The following FGF5 variants were observed in gnomAD, a reference collection of about 807,000 sequenced individuals.
The protein encoded by FGF5 is heparin-binding growth factor 5.
In FGF5, 23 loss-of-function variants were observed where a neutral mutation model predicts 21.8. The ratio of observed to expected loss-of-function variants is 1.05; its 90% CI spans 0.76 to 1.49. FGF5 has a LOEUF of 1.49. FGF5 is among the 40% of genes most tolerant of loss of function. The pLI is 0.00. For missense variants in FGF5, 352 were observed against 332.9 expected, an observed-to-expected ratio of 1.06 and a Z score of -0.45; for synonymous variants, 158 against 124.0, an observed-to-expected ratio of 1.27 and a Z score of -1.82.
chr4:80,268,350 C>G (rs3796603), intron 1 of FGF5: 22,927 of 403,614 alleles, frequency 0.057, 1,213 homozygotes, highest in East Asian at 0.33. Flanking sequence ...CCAGGGAGAC[C>G]GGAAATGTAG....
At position 80,286,722 on chromosome 4, in the gene FGF5, A is replaced by G. The variant is rs1251200217; in HGVS notation, c.*50A>G. The stretch of plus-strand genomic sequence containing the variant: ...CCATTCTTTCCCCTCAGGAGTTTCT[A>G]TAGGTGTCTTCAGAGTTCTGAAGAA... On this transcript the variant is annotated 3_prime_UTR_variant, in exon 3 of 3. Transcript: ENST00000312465. The G allele has an allele frequency of 1.1e-5, 16 of 1,457,042 alleles. No homozygotes were observed. Among genetic ancestry groups the G allele is most frequent in the Non-Finnish European group, 1.5e-5 (16 of 1,053,422 alleles). The allele number at this position is 1,457,042 out of a possible 1,614,324, so 90.3% of individuals were successfully genotyped here.
At chr4:80,279,686 A>G (rs1720503653) in intron 2 of FGF5, among the ~76,000 whole-genome samples, 1 of 152,216 alleles carries the variant, frequency 6.6e-6, no homozygotes, top group African/African-American at 2.4e-5. Context: ...CCCTAAATAT[A>G]TAAATCTTGG....
chr4:80,276,339 T>C (rs1352411412), intron 2 of FGF5, among the ~76,000 whole-genome samples: 1 of 152,108 alleles, frequency 6.6e-6, no homozygotes, highest in Admixed American at 6.6e-5. Flanking sequence ...TTGCAAGAAC[T>C]ATTAAACAAT....
Position 80,268,680 on chromosome 4 carries a change from G to A in FGF5, c.355+1501G>A, listed in dbSNP as rs34598175. On this transcript the variant is annotated intron_variant, in intron 1 of 2. Coordinates refer to ENST00000312465, the MANE Select transcript of FGF5 (RefSeq NM_004464.4). Reference sequence around the variant, plus strand: ...GGTCTATGCCCGCCCCTCTGCGCCTGTCTAGTCTATCTGATCGCGCTGATT... The same window carrying A: ...GGTCTATGCCCGCCCCTCTGCGCCTATCTAGTCTATCTGATCGCGCTGATT... 6.3e-3 allele frequency: 1,747 copies of A among 276,610 alleles called. 24 individuals are homozygous for A. The highest frequency in any genetic ancestry group is 0.037 in the African/African-American group (1,618 of 44,006). 17.1% of individuals were successfully genotyped at this position (276,610 alleles called of 1,614,324 possible).
chr4:80,283,890 CTA>C (rs1195287733), intron 2 of FGF5, among the ~76,000 whole-genome samples: 10 of 152,026 alleles, frequency 6.6e-5, no homozygotes, highest in Non-Finnish European at 4.4e-5. Flanking sequence ...TTCTAGATGT[CTA>C]TAGCTTTTAT....
chr4:80,290,519 C>T lies in FGF5; in HGVS notation c.*3847C>T, dbSNP rs1039414449. On this transcript the variant is annotated 3_prime_UTR_variant, in exon 3 of 3. Transcript: ENST00000312465. ...AGTGGAGTCAGGTGAGGCATCTTTA[C>T]ATCTAAGAATTTTTTTTTAAATTTT... 2.6e-4 allele frequency: 40 copies of T among 152,130 alleles called. No individual in the cohort carries two copies. Among genetic ancestry groups the T allele is most frequent in the African/African-American group, 8.4e-4 (35 of 41,538 alleles). The allele number at this position is 152,130 out of a possible 1,614,324, so 9.4% of individuals were successfully genotyped here. A position where few individuals can be genotyped will look rare whatever the true frequency, so the allele number is the denominator to read the frequency against.
At chr4:80,286,304 C>G in intron 2 of FGF5, 21 bp from the exon 3 acceptor site, 1 of 1,508,826 alleles carries the variant, frequency 6.6e-7, no homozygotes, top group Non-Finnish European at 8.9e-7. Flanking sequence ...CTTAAATTTC[C>G]TCTTTTTTTC....
rs1046136748 is a variant in FGF5, at chr4:80,290,050, C to T, written c.*3378C>T. On this transcript the variant is annotated 3_prime_UTR_variant, in exon 3 of 3. Transcript: ENST00000312465. ...ATAGAAGGGAGGGAATAAATCATGA[C>T]TTATCCCATTTTCAATAACAAAACG... 2.6e-5 allele frequency: 4 copies of T among 152,018 alleles called. No individual in the cohort carries two copies. Among genetic ancestry groups the T allele is most frequent in the South Asian group, 2.1e-4 (1 of 4,824 alleles). The allele number at this position is 152,018 out of a possible 1,614,324, so 9.4% of individuals were successfully genotyped here. A position where few individuals can be genotyped will look rare whatever the true frequency, so the allele number is the denominator to read the frequency against.
chr4:80,271,254 C>T (rs1720263723), intron 1 of FGF5, among the ~76,000 whole-genome samples: 2 of 151,898 alleles, frequency 1.3e-5, no homozygotes, highest in African/African-American at 4.8e-5. Context: ...AGGACTAAGT[C>T]AAAAATCTAG....
At chr4:80,268,864 A>G (rs1193297981) in intron 1 of FGF5, among the ~76,000 whole-genome samples, 1 of 152,232 alleles carries the variant, frequency 6.6e-6, no homozygotes, top group Non-Finnish European at 1.5e-5. Context: ...ATAACTGCTC[A>G]TTTGGGGGAT....
At chr4:80,267,274 C>A in intron 1 of FGF5, 95 bp downstream of exon 1, 1 of 1,033,684 alleles carries the variant, frequency 9.7e-7, no homozygotes, top group Non-Finnish European at 1.4e-6. Flanking sequence ...GCTCACCTTC[C>A]TGAGCCCAGG....
At chr4:80,276,836 C>T (rs896144682) in intron 2 of FGF5, among the ~76,000 whole-genome samples, 3 of 151,404 alleles carry the variant, frequency 2.0e-5, no homozygotes, top group African/African-American at 7.3e-5. Flanking sequence ...ATAACTTTTC[C>T]TCAGTCTACT....
chr4:80,280,213 G>A (rs1047473514), intron 2 of FGF5, among the ~76,000 whole-genome samples: 84 of 152,200 alleles, frequency 5.5e-4, no homozygotes, highest in African/African-American at 1.8e-3. Flanking sequence ...ACAGTAAAAT[G>A]GAATGTCTAG....
rs376474142 is a variant in FGF5 at position 80,286,450 on chromosome 4, A to G, written c.585A>G (p.Arg195=). 4.5e-5 allele frequency: 72 copies of G among 1,613,978 alleles called. No homozygotes were observed. The African/African-American group carries it at 8.8e-4, about 20-fold the overall frequency. Residue 195 remains arginine (R), a synonymous_variant, in exon 3 of 3, where the codon AGA becomes AGG. Coordinates refer to ENST00000312465, the MANE Select transcript of FGF5 (RefSeq NM_004464.4). ...GREWYVALNK[R]GKAKRGCSPR... The stretch of plus-strand genomic sequence containing the variant: ...AGTGGTATGTGGCCCTGAATAAAAG[A>G]GGAAAAGCCAAACGAGGGTGCAGCC...
rs569830882 is a variant in FGF5, at chr4:80,272,132, C to T, written c.356-2777C>T. Among the ~76,000 whole-genome samples, 15 of 152,244 alleles carry T rather than the reference C, an allele frequency of 9.9e-5. No individual in the cohort carries two copies. The East Asian group carries it at 1.7e-3, about 18-fold the overall frequency. On this transcript the variant is annotated intron_variant, in intron 1 of 2. Coordinates refer to ENST00000312465, the MANE Select transcript of FGF5 (RefSeq NM_004464.4). ...AGAAGATCAATACCAAAGTTACTCA[C>T]GTGAAAAATAATTCATTCATCTAGT...
chr4:80,281,262 C>T (rs1035560436), intron 2 of FGF5, among the ~76,000 whole-genome samples: 1 of 151,836 alleles, frequency 6.6e-6, no homozygotes, highest in Non-Finnish European at 1.5e-5. Context: ...CCAGGCAGCT[C>T]CATTGGTGGA....
Position 80,287,563 on chromosome 4 carries a change from C to G in FGF5, c.*891C>G, listed in dbSNP as rs1720772758. 6.6e-6 allele frequency: 1 copy of G among 152,190 alleles called. No individual in the cohort carries two copies. The highest frequency in any genetic ancestry group is 1.5e-5 in the Non-Finnish European group (1 of 68,038). 9.4% of individuals were successfully genotyped at this position (152,190 alleles called of 1,614,324 possible). The stretch of plus-strand genomic sequence containing the variant: ...CTAAGTCTGTCTTGCCTTCATTTCT[C>G]TTTTTATCTCCCCCTTGCCCTCATT... On this transcript the variant is annotated 3_prime_UTR_variant, in exon 3 of 3. Transcript: ENST00000312465.
intron 1 of FGF5, chr4:80,268,526 G>A (rs969594265): frequency 3.0e-6 from 3 of 986,144 alleles, no homozygotes; most frequent in Non-Finnish European, 3.6e-6. Context: ...TGAAGATTTG[G>A]CAGCCAGCAG....
chr4:80,266,980 C>T lies in FGF5; in HGVS notation c.156C>T (p.Ser52=). The stretch of plus-strand genomic sequence containing the variant: ...CCAGCAGCAGACAGAGCAGCAGTAG[C>T]GCTATGTCTTCCTCTTCTGCCTCCT... ...RGSSSRQSSS[S]AMSSSSASSS... is the part of the protein sequence containing the mutation. Residue 52 remains serine, a synonymous_variant, in exon 1 of 3, where the codon AGC becomes AGT. Transcript: ENST00000312465. 1 of 1,614,214 alleles carries T rather than the reference C, an allele frequency of 6.2e-7. No individual in the cohort carries two copies. The highest frequency in any genetic ancestry group is 8.5e-7 in the Non-Finnish European group (1 of 1,180,042).
Sources: gnomAD v4.1 joint callset for allele counts (sites outside exome capture counted in the v4.1 genomes callset) on GRCh38, gnomAD v4.1.1 for gene constraint, MANE v1.5 for transcripts, NCBI Gene and HGNC (gene_info 2026-07-23, HGNC 2026-07-21) for gene names.